SAMD3: variants seen among roughly 807,000 people sequenced by gnomAD.
SAMD3 encodes the protein sterile alpha motif domain containing 3.
SAMD3 carries 63 observed loss-of-function variants against 58.5 expected under a neutral mutation model. The observed-to-expected ratio is 1.08, with a 90% CI of 0.88 to 1.33. The LOEUF is 1.33. SAMD3 is among the 40% of genes most tolerant of loss of function. The pLI is 0.00. For missense variants in SAMD3, 604 were observed against 608.4 expected, an observed-to-expected ratio of 0.99 and a Z score of 0.08; for synonymous variants, 220 against 210.3, an observed-to-expected ratio of 1.05 and a Z score of -0.40.
Position 130,250,907 on chromosome 6 carries a change from T to C in SAMD3, c.-187-28094A>G, listed in dbSNP as rs182862038. Among the ~76,000 whole-genome samples, 830 of 152,340 alleles carry C rather than the reference T, an allele frequency of 5.4e-3. 2 individuals are homozygous for C. Among genetic ancestry groups the C allele is most frequent in the Middle Eastern group, 0.014 (4 of 294 alleles). On this transcript the variant is annotated intron_variant, in intron 2 of 13. Transcript: ENST00000368134. The stretch of plus-strand genomic sequence containing the variant: ...AATACTGCTGCTACAAACATGCATG[T>C]ACAAATTTTTATGTAGACATATGTT...
chr6:130,152,612 G>C (rs1449504213), intron 9 of SAMD3, among the ~76,000 whole-genome samples: 1 of 152,160 alleles, frequency 6.6e-6, no homozygotes, highest in African/African-American at 2.4e-5. Flanking sequence ...GGGAGGCAGA[G>C]GCTGCAGTGA....
chr6:130,275,261 C>T (rs757236841), intron 2 of SAMD3, among the ~76,000 whole-genome samples: 1 of 152,160 alleles, frequency 6.6e-6, no homozygotes, highest in South Asian at 2.1e-4. Flanking sequence ...GACTTACTTG[C>T]TGATTTATTT....
chr6:130,220,685 A>G (rs1397965762), intron 1 of SAMD3, among the ~76,000 whole-genome samples: 1 of 152,194 alleles, frequency 6.6e-6, no homozygotes, highest in Non-Finnish European at 1.5e-5. Flanking sequence ...GCTAGTTTTC[A>G]TGTGGAAGAA....
intron 8 of SAMD3, among the ~76,000 whole-genome samples, chr6:130,174,271 C>T (rs1441190212): frequency 6.6e-6 from 1 of 152,166 alleles, no homozygotes; most frequent in African/African-American, 2.4e-5. Context: ...AACAGCCACC[C>T]AATTTTGTGC....
intron 1 of SAMD3, among the ~76,000 whole-genome samples, chr6:130,341,029 C>T (rs1261543283): frequency 6.6e-6 from 1 of 152,066 alleles, no homozygotes; most frequent in Admixed American, 6.5e-5. Flanking sequence ...ACATTTAGAA[C>T]ACATAAAGTT....
At chr6:130,229,820 G>A (rs191006666) in intron 2 of SAMD3, among the ~76,000 whole-genome samples, 11 of 152,272 alleles carry the variant, frequency 7.2e-5, no homozygotes, top group Non-Finnish European at 1.2e-4. Flanking sequence ...TAAATGAACC[G>A]CATAGGGAGG....
chr6:130,321,035 A>T (rs1242306524), intron 1 of SAMD3, among the ~76,000 whole-genome samples: 1 of 152,182 alleles, frequency 6.6e-6, no homozygotes, highest in East Asian at 1.9e-4. Flanking sequence ...CACTTTGTCT[A>T]ACATAACTCC....
At chr6:130,204,765 CT>C (rs112982780) in intron 5 of SAMD3, among the ~76,000 whole-genome samples, 39,906 of 126,426 alleles carry the variant, frequency 0.32, 5,154 homozygotes, top group East Asian at 0.49. Context: ...ATTTCCAGGC[CT>C]TTTTTTTTTT....
intron 2 of SAMD3, among the ~76,000 whole-genome samples, chr6:130,282,768 T>C (rs1775025070): frequency 6.6e-6 from 1 of 152,300 alleles, no homozygotes; most frequent in East Asian, 1.9e-4. Flanking sequence ...AGGCTCAAGA[T>C]TCAAAATAAT....
chr6:130,355,296 C>A (rs1184211865), intron 1 of SAMD3, among the ~76,000 whole-genome samples: 1 of 152,122 alleles, frequency 6.6e-6, no homozygotes, highest in Admixed American at 6.5e-5. Flanking sequence ...TGGTAGCATA[C>A]ACCTGTAATA....
At chr6:130,346,448 C>T (rs904878764) in intron 1 of SAMD3, among the ~76,000 whole-genome samples, 1 of 152,218 alleles carries the variant, frequency 6.6e-6, no homozygotes, top group African/African-American at 2.4e-5. Flanking sequence ...TTGGAGGGTC[C>T]TATGCCCACG....
intron 2 of SAMD3, among the ~76,000 whole-genome samples, chr6:130,236,000 A>C (rs936721751): frequency 3.3e-5 from 5 of 152,348 alleles, no homozygotes; most frequent in African/African-American, 9.6e-5. Context: ...CCTAGAGGTC[A>C]AACACCCAAT....
At chr6:130,253,926 T>A (rs1346259705) in intron 2 of SAMD3, among the ~76,000 whole-genome samples, 1 of 152,078 alleles carries the variant, frequency 6.6e-6, no homozygotes, top group Non-Finnish European at 1.5e-5. Flanking sequence ...GTATTGCTCA[T>A]GTTTGTTTTG....
intron 5 of SAMD3, among the ~76,000 whole-genome samples, chr6:130,189,074 C>T (rs1252307424): frequency 2.0e-5 from 3 of 147,100 alleles, no homozygotes; most frequent in African/African-American, 7.5e-5. Context: ...CTCAACAAAT[C>T]CAAAATAATT....
chr6:130,236,999 A>G (rs998056770), intron 2 of SAMD3, among the ~76,000 whole-genome samples: 1 of 152,222 alleles, frequency 6.6e-6, no homozygotes, highest in Non-Finnish European at 1.5e-5. Flanking sequence ...TGCTAATAAT[A>G]TAAAACCAAC....
At chr6:130,232,798 T>C (rs937530539) in intron 2 of SAMD3, among the ~76,000 whole-genome samples, 1 of 152,238 alleles carries the variant, frequency 6.6e-6, no homozygotes, top group Non-Finnish European at 1.5e-5. Flanking sequence ...TTTCTTTTAC[T>C]AATGGTATGG....
chr6:130,150,780 C>T (rs920766598), intron 9 of SAMD3, among the ~76,000 whole-genome samples: 17 of 151,214 alleles, frequency 1.1e-4, no homozygotes, highest in African/African-American at 2.2e-4. Flanking sequence ...GGCACAATCT[C>T]GGCTCACTAT....
chr6:130,179,225 G>C (rs1792031676), intron 7 of SAMD3, among the ~76,000 whole-genome samples: 2 of 152,138 alleles, frequency 1.3e-5, no homozygotes, highest in African/African-American at 4.8e-5. Context: ...TTCCACATGA[G>C]TATTCAATCA....
intron 2 of SAMD3, among the ~76,000 whole-genome samples, chr6:130,299,126 C>T (rs1280598396): frequency 6.6e-6 from 1 of 152,146 alleles, no homozygotes; most frequent in Non-Finnish European, 1.5e-5. Context: ...TAGACATCTA[C>T]AGAATATTCC....
Sources: gnomAD v4.1 joint callset for allele counts (sites outside exome capture counted in the v4.1 genomes callset) on GRCh38, gnomAD v4.1.1 for gene constraint, MANE v1.5 for transcripts, NCBI Gene and HGNC (gene_info 2026-07-23, HGNC 2026-07-21) for gene names.